WRNIP1: variants seen among roughly 807,000 people sequenced by gnomAD.
The protein encoded by WRNIP1 is WRN helicase interacting protein 1, also known as ATPase WRNIP1.
WRNIP1 carries 41 observed loss-of-function variants against 56.1 expected under a neutral mutation model. The observed-to-expected ratio is 0.73, with a 90% CI of 0.57 to 0.95. WRNIP1 has a LOEUF of 0.95. WRNIP1 is among the 40% of genes least tolerant of loss of function. WRNIP1 has a pLI of 0.00. For synonymous variants in WRNIP1, 547 were observed against 398.1 expected, an observed-to-expected ratio of 1.37 and a Z score of -4.45; for missense variants, 1,170 against 939.4, an observed-to-expected ratio of 1.25 and a Z score of -3.21.
chr6:2,784,892 A>T, intron 6 of WRNIP1, 115 bp from the exon 7 acceptor site: 4 of 1,351,986 alleles, frequency 3.0e-6, no homozygotes, highest in Non-Finnish European at 4.0e-6. Flanking sequence ...AAGGGGGATA[A>T]TAAAAGCATG....
At chr6:2,784,303 C>T (rs985960636) in intron 5 of WRNIP1, 21 bp from the exon 6 acceptor site, 3 of 1,609,562 alleles carry the variant, frequency 1.9e-6, no homozygotes, top group African/African-American at 1.3e-5. Flanking sequence ...TGAAACTCTC[C>T]TTTGTCTCTG....
chr6:2,766,122 A>AGGC lies in WRNIP1; in HGVS notation c.501_503dup (p.Ala168dup). On this transcript the variant is annotated inframe_insertion, in exon 1 of 7. Coordinates refer to ENST00000380773, the MANE Select transcript of WRNIP1 (RefSeq NM_020135.3). ...GAGGCGGAGGCGCAGGAGGAGGAGG[A>AGGC]GGCCGTGGGCGACGGCGATGGCGAC... is the stretch of plus-strand genomic sequence containing the variant. The AGGC allele has an allele frequency of 7.6e-7, 1 of 1,322,896 alleles. No homozygotes were observed. Among genetic ancestry groups the AGGC allele is most frequent in the Non-Finnish European group, 9.6e-7 (1 of 1,044,486 alleles). The allele number at this position is 1,322,896 out of a possible 1,614,324, so 81.9% of individuals were successfully genotyped here. A position where few individuals can be genotyped will look rare whatever the true frequency, so the allele number is the denominator to read the frequency against.
intron 4 of WRNIP1, among the ~76,000 whole-genome samples, chr6:2,781,716 G>A (rs2113481310): frequency 6.6e-6 from 1 of 152,342 alleles, no homozygotes; most frequent in East Asian, 1.9e-4. Flanking sequence ...TTATAAAGCA[G>A]TGTGTAATAA....
At chr6:2,767,984 AAC>A (rs1385370486) in intron 1 of WRNIP1, among the ~76,000 whole-genome samples, 1 of 152,220 alleles carries the variant, frequency 6.6e-6, no homozygotes, top group Non-Finnish European at 1.5e-5. Flanking sequence ...ACAGTCATTA[AAC>A]AGTCTTCAGT....
In WRNIP1 at chr6:2,768,902, C is replaced by T. The variant is rs201306323; in HGVS notation, c.1014+20C>T. ...CAGCAGGTATATTAACTTCCTTCTA[C>T]CTTTTGGTCGTTGTGAACATCAAAC... On this transcript the variant is annotated intron_variant, in intron 2 of 6. Coordinates refer to ENST00000380773, the MANE Select transcript of WRNIP1 (RefSeq NM_020135.3). The T allele has an allele frequency of 5.9e-4, 946 of 1,590,322 alleles. No homozygotes were observed. Among genetic ancestry groups the T allele is most frequent in the South Asian group, 1.8e-3 (163 of 88,206 alleles).
At chr6:2,777,812 G>A (rs764844344) in intron 3 of WRNIP1, among the ~76,000 whole-genome samples, 5 of 152,138 alleles carry the variant, frequency 3.3e-5, no homozygotes, top group Non-Finnish European at 1.5e-5. Context: ...TGTTGTTCTG[G>A]TGAGGTCTGC....
At chr6:2,781,329 C>T (rs1450897873) in intron 4 of WRNIP1, among the ~76,000 whole-genome samples, 1 of 152,274 alleles carries the variant, frequency 6.6e-6, no homozygotes, top group African/African-American at 2.4e-5. Flanking sequence ...ACATCCTATA[C>T]ATCTTCCCAG....
chr6:2,767,536 G>C (rs954489112), intron 1 of WRNIP1, among the ~76,000 whole-genome samples: 2 of 152,190 alleles, frequency 1.3e-5, no homozygotes, highest in African/African-American at 2.4e-5. Flanking sequence ...CTTCCCTTTG[G>C]CCAGGAATAA....
chr6:2,768,735 C>T lies in WRNIP1; in HGVS notation c.867C>T (p.Ser289=). Residue 289 remains serine, a synonymous_variant, in exon 2 of 7, where the codon AGC becomes AGT. Coordinates refer to ENST00000380773, the MANE Select transcript of WRNIP1 (RefSeq NM_020135.3). ...TAGCCAGCAACAGCAAGAAACATAG[C>T]ATAAGGTTTGTGACATTATCTGCAA... ...HIIASNSKKH[S]IRFVTLSATN... is the part of the protein sequence containing the mutation. 10 of 1,613,506 alleles carry T rather than the reference C, an allele frequency of 6.2e-6. No homozygotes were observed. Among genetic ancestry groups the T allele is most frequent in the South Asian group, 1.1e-5 (1 of 91,000 alleles).
At chr6:2,771,962 C>T (rs1353772113) in intron 3 of WRNIP1, among the ~76,000 whole-genome samples, 1 of 152,082 alleles carries the variant, frequency 6.6e-6, no homozygotes, top group Non-Finnish European at 1.5e-5. Context: ...TTATTGATTT[C>T]ATGTCATCAG....
At chr6:2,772,753 C>T (rs1414097415) in intron 3 of WRNIP1, among the ~76,000 whole-genome samples, 2 of 152,192 alleles carry the variant, frequency 1.3e-5, no homozygotes, top group Non-Finnish European at 2.9e-5. Context: ...GTACCTGCCA[C>T]CCCAACTGTC....
chr6:2,784,201 G>T, intron 5 of WRNIP1, 123 bp from the exon 6 acceptor site: 1 of 773,120 alleles, frequency 1.3e-6, no homozygotes. Flanking sequence ...AGGCTGTTTT[G>T]CTACATGGGA....
At chr6:2,784,453 C>A in intron 6 of WRNIP1, 50 bp downstream of exon 6, 1 of 1,570,166 alleles carries the variant, frequency 6.4e-7, no homozygotes, top group Non-Finnish European at 8.7e-7. Context: ...CTCTCTCGTG[C>A]TCTGTCCCTT....
Position 2,770,017 on chromosome 6 carries a change from G to A in WRNIP1, c.1015-103G>A, listed in dbSNP as rs534868614. The A allele has an allele frequency of 6.0e-4, 916 of 1,517,410 alleles. 2 individuals carry two copies. The highest frequency in any genetic ancestry group is 8.7e-4 in the Middle Eastern group (5 of 5,730). 94.0% of individuals were successfully genotyped at this position (1,517,410 alleles called of 1,614,324 possible). On this transcript the variant is annotated intron_variant, in intron 2 of 6. Transcript: ENST00000380773. ...GCTGCTGCTATTCCTGAACTCGAAAGATAAAAATGAGGAAAAGGAAGGAAG... is the reference window on the plus strand; with the variant it reads ...GCTGCTGCTATTCCTGAACTCGAAAAATAAAAATGAGGAAAAGGAAGGAAG...
In WRNIP1 at chr6:2,785,548, A is replaced by G; in HGVS notation, c.*266A>G. On this transcript the variant is annotated 3_prime_UTR_variant, in exon 7 of 7. Transcript: ENST00000380773. ...CAATGAATTAATGTTATAAGGAATTATCTATTTTGTCATAGTATTTAAGTC... is the reference window on the plus strand; with the variant it reads ...CAATGAATTAATGTTATAAGGAATTGTCTATTTTGTCATAGTATTTAAGTC... 1 of 452,646 alleles carries G rather than the reference A, an allele frequency of 2.2e-6. No homozygotes were observed. The allele number at this position is 452,646 out of a possible 1,614,324, so 28.0% of individuals were successfully genotyped here. A position where few individuals can be genotyped will look rare whatever the true frequency, so the allele number is the denominator to read the frequency against.
In WRNIP1 at chr6:2,766,135, C is replaced by G. The variant is rs914310408; in HGVS notation, c.513C>G (p.Asp171Glu). ...AGGAGGAGGAGGAGGCCGTGGGCGA[C>G]GGCGATGGCGACGGGGACGCGGACG... ...EAQEEEEAVG[D>E]GDGDGDADAD... The change falls in exon 1 of 7, where the codon GAC becomes GAG. Residue 171 changes from aspartate (D) to glutamate (E), a missense_variant. By Grantham distance (45) the Asp-to-Glu change is conservative (BLOSUM62 2). Coordinates refer to ENST00000380773, the MANE Select transcript of WRNIP1 (RefSeq NM_020135.3). The G allele has an allele frequency of 5.2e-5, 64 of 1,239,884 alleles. No homozygotes were observed. Among genetic ancestry groups the G allele is most frequent in the Non-Finnish European group, 6.4e-5 (62 of 970,600 alleles). The allele number at this position is 1,239,884 out of a possible 1,614,324, so 76.8% of individuals were successfully genotyped here.
At chr6:2,784,948 T>C in intron 6 of WRNIP1, 59 bp from the exon 7 acceptor site, 1 of 1,592,616 alleles carries the variant, frequency 6.3e-7, no homozygotes, top group Non-Finnish European at 8.6e-7. Context: ...CAGAAGGGGC[T>C]CTGCAGAACA....
chr6:2,775,735 G>C lies in WRNIP1; in HGVS notation c.1257-3528G>C, dbSNP rs893912404. ...GTTAAAATTAAAGCCCTTCTCATCA[G>C]TTGGAGAAGCCAAGCTCTCTTAAGT... On this transcript the variant is annotated intron_variant, in intron 3 of 6. Transcript: ENST00000380773. 5.3e-4 allele frequency among the ~76,000 whole-genome samples: 80 copies of C among 152,220 alleles called. 1 individual carries two copies. Among genetic ancestry groups the C allele is most frequent in the African/African-American group, 1.9e-3 (79 of 41,458 alleles).
chr6:2,784,685 A>ACT (rs1386100396), intron 6 of WRNIP1, among the ~76,000 whole-genome samples: 18 of 152,314 alleles, frequency 1.2e-4, no homozygotes, highest in African/African-American at 4.1e-4. Context: ...TGAACAGCAA[A>ACT]GCCTCTGCAA....
Sources: allele counts gnomAD v4.1 joint callset (sites outside exome capture counted in the v4.1 genomes callset), GRCh38; gene constraint gnomAD v4.1.1; transcripts MANE v1.5; gene names NCBI Gene and HGNC (gene_info 2026-07-23, HGNC 2026-07-21).